The following ADGRF5 variants were observed in gnomAD, a reference collection of about 807,000 sequenced individuals.
The protein encoded by ADGRF5 is adhesion G protein-coupled receptor F5.
Under a neutral mutation model 132.3 loss-of-function variants are expected in ADGRF5, and 75 were observed. That is an observed-to-expected ratio of 0.57 (90% CI 0.47 to 0.69). The LOEUF is 0.69. ADGRF5 is among the 30% of genes least tolerant of loss of function. ADGRF5 has a pLI of 0.00. For synonymous variants in ADGRF5, 629 were observed against 597.6 expected (o/e 1.05, Z -0.77); for missense variants, 1,516 against 1,630.6 (o/e 0.93, Z 1.21).
intron 2 of ADGRF5, among the ~76,000 whole-genome samples, chr6:46,900,798 G>A (rs971561577): frequency 2.6e-5 from 4 of 152,286 alleles, no homozygotes; most frequent in African/African-American, 9.6e-5. Flanking sequence ...GCAAACTACA[G>A]TATGGCATAT....
At chr6:46,877,382 TTTC>T (rs1562176106) in intron 10 of ADGRF5, among the ~76,000 whole-genome samples, 9 of 145,474 alleles carry the variant, frequency 6.2e-5, no homozygotes, top group Non-Finnish European at 1.5e-5. Flanking sequence ...TCTTTCTTTC[TTTC>T]TTCTTTCTTT....
In ADGRF5 at chr6:46,888,842, C is replaced by T. The variant is rs559395898; in HGVS notation, c.158-337G>A. ...TCAGTGTTTCATCTGCAGTATGCAT[C>T]ATTCGATAGATGCACACTCTAAGGG... On this transcript the variant is annotated intron_variant, in intron 3 of 20. Coordinates refer to ENST00000283296, the MANE Select transcript of ADGRF5 (RefSeq NM_001098518.2). Among the ~76,000 whole-genome samples, 176 of 152,184 alleles carry T rather than the reference C, an allele frequency of 1.2e-3. 1 individual carries two copies. The highest frequency in any genetic ancestry group is 4.1e-3 in the African/African-American group (170 of 41,530).
chr6:46,939,255 A>C lies in ADGRF5; in HGVS notation c.-25+15479T>G, dbSNP rs570708230. On this transcript the variant is annotated intron_variant, in intron 1 of 20. Coordinates refer to the ADGRF5 transcript ENST00000265417. ...GTTCTCTTCTACCTGTGGGGCAGGA[A>C]TCTTGCTTTAACATGGTTCGTTGAG... Among the ~76,000 whole-genome samples the C allele has an allele frequency of 7.9e-5, 12 of 152,252 alleles. No homozygotes were observed. The South Asian group carries it at 2.5e-3, about 32-fold the overall frequency.
upstream of ADGRF5, among the ~76,000 whole-genome samples, chr6:46,923,412 G>A (rs1777093706): frequency 1.3e-5 from 2 of 152,188 alleles, no homozygotes; most frequent in South Asian, 4.1e-4. Flanking sequence ...CTATCAGCCT[G>A]TAGCAAGTCA....
intron 1 of ADGRF5, among the ~76,000 whole-genome samples, chr6:46,918,761 T>C (rs549169841): frequency 1.3e-5 from 2 of 152,316 alleles, no homozygotes; most frequent in South Asian, 4.1e-4. Flanking sequence ...GATGTGTCTG[T>C]TCCTCCGAAA....
At position 46,930,136 on chromosome 6, in the gene ADGRF5, C is replaced by A. The variant is rs567865411; in HGVS notation, c.-24-23350G>T. Among the ~76,000 whole-genome samples the A allele has an allele frequency of 2.5e-3, 375 of 152,274 alleles. 3 individuals carry two copies. The highest frequency in any genetic ancestry group is 8.6e-3 in the African/African-American group (359 of 41,540). On this transcript the variant is annotated intron_variant, in intron 1 of 20. Transcript: ENST00000265417. ...GCGCCCAGCCTCCAGGGCCTATATT[C>A]TTTCATGGAAGAATGTTAAGTGGTT...
At chr6:46,927,801 A>G (rs1376864152) in intron 1 of ADGRF5, among the ~76,000 whole-genome samples, 2 of 152,132 alleles carry the variant, frequency 1.3e-5, no homozygotes, top group Non-Finnish European at 2.9e-5. Context: ...GAACAGCATC[A>G]TAATAGGCGA....
chr6:46,932,371 A>G (rs1777591955), intron 1 of ADGRF5, among the ~76,000 whole-genome samples: 2 of 152,210 alleles, frequency 1.3e-5, no homozygotes, highest in Admixed American at 1.3e-4. Context: ...TAAAATAAGT[A>G]ATTAAATCAA....
At chr6:46,880,358 T>TA (rs5875988) in intron 8 of ADGRF5, among the ~76,000 whole-genome samples, 125,921 of 150,496 alleles carry the variant, frequency 0.84, 52,734 homozygotes, top group Non-Finnish European at 0.86. Flanking sequence ...CATTTTTTTA[T>TA]AAAAAAAAAA....
At chr6:46,899,449 G>T (rs186123285) in intron 3 of ADGRF5, among the ~76,000 whole-genome samples, 53 of 152,104 alleles carry the variant, frequency 3.5e-4, no homozygotes, top group Non-Finnish European at 6.5e-4. Flanking sequence ...TGACACCTGC[G>T]CAGGGTCCAC....
intron 1 of ADGRF5, among the ~76,000 whole-genome samples, chr6:46,919,577 T>C (rs544020571): frequency 6.6e-5 from 10 of 152,292 alleles, no homozygotes; most frequent in African/African-American, 2.4e-4. Flanking sequence ...GTAAGTGAGG[T>C]TACTATATCA....
Position 46,888,506 on chromosome 6 carries a change from CT to C in ADGRF5, c.158-2del. The C allele has an allele frequency of 6.2e-7, 1 of 1,609,896 alleles. No homozygotes were observed. Among genetic ancestry groups the C allele is most frequent in the Non-Finnish European group, 8.5e-7 (1 of 1,176,262 alleles). On this transcript the variant is annotated splice_acceptor_variant, in intron 3 of 20. Transcript: ENST00000283296. LOFTEE classifies it high-confidence loss of function. ...TCAGCCGTAGGACTTTTTGTGGCAACTGCAATGAAAGCACATGAAGGCTGAG... is the reference window on the plus strand; with the variant it reads ...TCAGCCGTAGGACTTTTTGTGGCAACGCAATGAAAGCACATGAAGGCTGAG...
At chr6:46,947,268 T>C (rs1174751379) in intron 1 of ADGRF5, among the ~76,000 whole-genome samples, 1 of 152,218 alleles carries the variant, frequency 6.6e-6, no homozygotes, top group African/African-American at 2.4e-5. Context: ...GGAACTGCAA[T>C]TGAGTCATCA....
chr6:46,952,897 G>A (rs555210698), intron 1 of ADGRF5, among the ~76,000 whole-genome samples: 1 of 152,232 alleles, frequency 6.6e-6, no homozygotes, highest in South Asian at 2.1e-4. Flanking sequence ...CCTGAGAACC[G>A]CTTAGTAGAA....
intron 1 of ADGRF5, among the ~76,000 whole-genome samples, chr6:46,910,264 A>G (rs1429987073): frequency 6.6e-6 from 1 of 152,188 alleles, no homozygotes; most frequent in Non-Finnish European, 1.5e-5. Context: ...GATTGTGGGT[A>G]ATAATTGCTG....
intron 10 of ADGRF5, among the ~76,000 whole-genome samples, chr6:46,877,897 T>C (rs1291272157): frequency 6.6e-6 from 1 of 152,158 alleles, no homozygotes; most frequent in Non-Finnish European, 1.5e-5. Context: ...GAGCACAAGC[T>C]TTTCTTGTCT....
Position 46,858,407 on chromosome 6 carries a change from A to T in ADGRF5, c.3496T>A (p.Trp1166Arg). 1.2e-6 allele frequency: 2 copies of T among 1,613,986 alleles called. No individual in the cohort carries two copies. The highest frequency in any genetic ancestry group is 1.7e-6 in the Non-Finnish European group (2 of 1,179,880). Residue 1166 changes from tryptophan to arginine, a missense_variant, in exon 17 of 21, where the codon TGG becomes AGG. Trp to Arg is a moderately radical substitution (Grantham distance 101, BLOSUM62 -3). Around this residue, in one of 2 missense-constraint regions of ADGRF5, gnomAD observed 571 missense variants for 701.2 expected, o/e 0.81. Coordinates refer to ENST00000283296, the MANE Select transcript of ADGRF5 (RefSeq NM_001098518.2). ...YTRKNVCWLN[W>R]EDTKALLAFA... ...GCCAGCAGGGCCTTGGTGTCCTCCC[A>T]GTTGAGCCAACAGACATTCTTCCTC... is the stretch of plus-strand genomic sequence containing the variant.
At chr6:46,940,957 C>A (rs1778025023) in intron 1 of ADGRF5, among the ~76,000 whole-genome samples, 1 of 152,154 alleles carries the variant, frequency 6.6e-6, no homozygotes, top group Admixed American at 6.5e-5. Context: ...TGGCTAAGTT[C>A]TTGGCTTCAC....
rs930970791 is a variant in ADGRF5 at position 46,929,043 on chromosome 6, G to A, written c.-24-22257C>T. 1.2e-4 allele frequency among the ~76,000 whole-genome samples: 18 copies of A among 152,262 alleles called. 1 individual carries two copies. Among genetic ancestry groups the A allele is most frequent in the Admixed American group, 9.1e-4 (14 of 15,302 alleles). ...TGCTGCTATAAAGACACATGCACAC[G>A]TAAGTTTATTGCGGCACTATTCACA... is the stretch of plus-strand genomic sequence containing the variant. On this transcript the variant is annotated intron_variant, in intron 1 of 20. Coordinates refer to the ADGRF5 transcript ENST00000265417.
Sources: gnomAD v4.1 joint callset for allele counts (sites outside exome capture counted in the v4.1 genomes callset) on GRCh38, gnomAD v4.1.1 for gene constraint, gnomAD v4.1.1 regional missense constraint, MANE v1.5 for transcripts, NCBI Gene and HGNC (gene_info 2026-07-23, HGNC 2026-07-21) for gene names.